SOCS6: variants seen among roughly 807,000 people sequenced by gnomAD.
SOCS6 encodes suppressor of cytokine signaling 6, also known as STAT induced STAT inhibitor-4.
Under a neutral mutation model 27.7 loss-of-function variants are expected in SOCS6, and 5 were observed. The ratio of observed to expected loss-of-function variants is 0.18; its 90% CI spans 0.09 to 0.38. The LOEUF is 0.38. Ranked by LOEUF, SOCS6 falls within the 10% of genes least tolerant of loss-of-function variation. The probability of loss-of-function intolerance (pLI) is 1.00; values close to 1 mark genes in which losing one functional copy is unlikely to be tolerated. For synonymous variants in SOCS6, 271 were observed against 260.0 expected, an observed-to-expected ratio of 1.04 and a Z score of -0.41; for missense variants, 595 against 688.1, an observed-to-expected ratio of 0.86 and a Z score of 1.51.
At chr18:70,320,565 C>CGA (rs531244677) in intron 1 of SOCS6, among the ~76,000 whole-genome samples, 1 of 152,050 alleles carries the variant, frequency 6.6e-6, no homozygotes, top group South Asian at 2.1e-4. Flanking sequence ...AGATATTTTG[C>CGA]GAGAGAGAGA....
chr18:70,299,972 T>TA lies in SOCS6; in HGVS notation c.-127+10883dup, dbSNP rs2062340991. ...GGACTTGAGCATTCATAGCTTCTGT[T>TA]ATTCCTGGAGCCAATCCCCCATGAA... On this transcript the variant is annotated intron_variant, in intron 1 of 1. Coordinates refer to ENST00000397942, the MANE Select transcript of SOCS6 (RefSeq NM_004232.4). Among the ~76,000 whole-genome samples, 5 of 152,214 alleles carry TA rather than the reference T, an allele frequency of 3.3e-5. No homozygotes were observed. In the South Asian group the frequency reaches 1.0e-3, roughly 32 times the overall value.
chr18:70,318,070 G>A (rs1033515525), intron 1 of SOCS6, among the ~76,000 whole-genome samples: 1 of 152,120 alleles, frequency 6.6e-6, no homozygotes, highest in Non-Finnish European at 1.5e-5. Flanking sequence ...GGCCGGACTG[G>A]CCCTCGAACG....
intron 1 of SOCS6, among the ~76,000 whole-genome samples, chr18:70,293,018 T>C (rs891646231): frequency 1.3e-5 from 2 of 152,182 alleles, no homozygotes; most frequent in Admixed American, 1.3e-4. Flanking sequence ...GTAATTACTT[T>C]GTTTACTTGT....
At position 70,297,189 on chromosome 18, in the gene SOCS6, G is replaced by A. The variant is rs556872834; in HGVS notation, c.-127+8099G>A. 7.2e-5 allele frequency among the ~76,000 whole-genome samples: 11 copies of A among 151,994 alleles called. No individual in the cohort carries two copies. In the South Asian group the frequency reaches 1.5e-3, roughly 20 times the overall value. Reference sequence around the variant, plus strand: ...AAACCTTTTCTCAGGCTGGTTTTTCGTCGTCTTCCTTTCCAGCAGTCTTAG... The same window carrying A: ...AAACCTTTTCTCAGGCTGGTTTTTCATCGTCTTCCTTTCCAGCAGTCTTAG... On this transcript the variant is annotated intron_variant, in intron 1 of 1. Coordinates refer to ENST00000397942, the MANE Select transcript of SOCS6 (RefSeq NM_004232.4).
chr18:70,304,436 A>C (rs2062360879), intron 1 of SOCS6, among the ~76,000 whole-genome samples: 1 of 152,072 alleles, frequency 6.6e-6, no homozygotes, highest in Non-Finnish European at 1.5e-5. Context: ...AGCAGTGTAT[A>C]AGGTTTCTGG....
At chr18:70,313,460 T>TGCAA (rs60159585) in intron 1 of SOCS6, among the ~76,000 whole-genome samples, 356 of 152,242 alleles carry the variant, frequency 2.3e-3, no homozygotes, top group African/African-American at 8.3e-3. Context: ...CCTTCTGCAG[T>TGCAA]GCAAGCCTTC....
chr18:70,317,419 G>GGTGTGTGTGTGTGTGT (rs139320786), intron 1 of SOCS6, among the ~76,000 whole-genome samples: 54 of 148,078 alleles, frequency 3.6e-4, no homozygotes, highest in African/African-American at 1.2e-3. Context: ...AGTATTCCAT[G>GGTGTGTGTGTGTGTGT]GTGTGTGTGT....
chr18:70,292,100 G>A (rs545520484), intron 1 of SOCS6, among the ~76,000 whole-genome samples: 6 of 152,226 alleles, frequency 3.9e-5, no homozygotes, highest in Middle Eastern at 3.4e-3. Context: ...ATTTTACTTC[G>A]TTGGGGCAGT....
rs145549938 is a variant in SOCS6 at position 70,309,808 on chromosome 18, C to T, written c.-126-14735C>T. On this transcript the variant is annotated intron_variant, in intron 1 of 1. Coordinates refer to ENST00000397942, the MANE Select transcript of SOCS6 (RefSeq NM_004232.4). ...AAGTGATTCTCCTACCTTGGCCTCC[C>T]GATTAGCTGGGATTACAGGCATGTG... is the stretch of plus-strand genomic sequence containing the variant. 8.6e-3 allele frequency among the ~76,000 whole-genome samples: 1,303 copies of T among 152,182 alleles called. 22 individuals are homozygous for T. The highest frequency in any genetic ancestry group is 0.029 in the African/African-American group (1,192 of 41,530).
At chr18:70,291,397 G>A (rs1056453456) in intron 1 of SOCS6, among the ~76,000 whole-genome samples, 2 of 152,136 alleles carry the variant, frequency 1.3e-5, no homozygotes, top group Non-Finnish European at 2.9e-5. Context: ...ACCACACCCA[G>A]CCTGCAAGTG....
chr18:70,319,634 T>G (rs1910902327), intron 1 of SOCS6, among the ~76,000 whole-genome samples: 2 of 148,924 alleles, frequency 1.3e-5, no homozygotes, highest in South Asian at 4.2e-4. Flanking sequence ...AAAAAAAAAT[T>G]GGTTATACTT....
rs964553144 is a variant in SOCS6 at position 70,330,039 on chromosome 18, C to T, written c.*3763C>T. Reference sequence around the variant, plus strand: ...AGGTGTGTACCATTTGTACTGAGAACACCACAGAATGAATTATCCAAAGTC... The same window carrying T: ...AGGTGTGTACCATTTGTACTGAGAATACCACAGAATGAATTATCCAAAGTC... On this transcript the variant is annotated 3_prime_UTR_variant, in exon 2 of 2. Transcript: ENST00000397942. The T allele has an allele frequency of 6.0e-6, 1 of 167,038 alleles. No individual in the cohort carries two copies. The highest frequency in any genetic ancestry group is 1.5e-5 in the Non-Finnish European group (1 of 68,106). 10.3% of individuals were successfully genotyped at this position (167,038 alleles called of 1,614,324 possible). A position where few individuals can be genotyped will look rare whatever the true frequency, so the allele number is the denominator to read the frequency against.
chr18:70,317,654 G>C (rs942702550), intron 1 of SOCS6, among the ~76,000 whole-genome samples: 1 of 151,722 alleles, frequency 6.6e-6, no homozygotes, highest in African/African-American at 2.4e-5. Flanking sequence ...TGTGAATCGT[G>C]CTGCTATGTG....
Position 70,327,902 on chromosome 18 carries a change from T to A in SOCS6, c.*1626T>A, listed in dbSNP as rs1295995880. The A allele has an allele frequency of 1.2e-5, 2 of 166,886 alleles. No homozygotes were observed. The highest frequency in any genetic ancestry group is 1.9e-4 in the East Asian group (1 of 5,198). The allele number at this position is 166,886 out of a possible 1,614,324, so 10.3% of individuals were successfully genotyped here. ...CATTCAAGCATATCTGAATCCTCAC[T>A]TTTTTCTCTTTGCTTTTTAGGGTCA... On this transcript the variant is annotated 3_prime_UTR_variant, in exon 2 of 2. Transcript: ENST00000397942.
In SOCS6 at chr18:70,328,208, CTATT is replaced by C. The variant is rs1475319890; in HGVS notation, c.*1938_*1941del. On this transcript the variant is annotated 3_prime_UTR_variant, in exon 2 of 2. Transcript: ENST00000397942. ...ACATTTAAACTATTTTTTTGCAAAA[CTATT>C]TATTTTTAAAACAACTTAAAGTATA... is the stretch of plus-strand genomic sequence containing the variant. The C allele has an allele frequency of 6.0e-6, 1 of 166,798 alleles. No homozygotes were observed. Among genetic ancestry groups the C allele is most frequent in the Non-Finnish European group, 1.5e-5 (1 of 68,068 alleles). The allele number at this position is 166,798 out of a possible 1,614,324, so 10.3% of individuals were successfully genotyped here.
At position 70,325,496 on chromosome 18, in the gene SOCS6, C is replaced by T; in HGVS notation, c.828C>T (p.Ala276=). Reference sequence around the variant, plus strand: ...AGGTAGACCAGGACCTAGTTGTCGCCCCAGAGATCTTCGTGGATCAGTCCG... The same window carrying T: ...AGGTAGACCAGGACCTAGTTGTCGCTCCAGAGATCTTCGTGGATCAGTCCG... ...ESQVDQDLVV[A]PEIFVDQSVN... The change falls in exon 2 of 2, where the codon GCC becomes GCT. Residue 276 remains alanine, a synonymous_variant. Transcript: ENST00000397942. The surrounding 1 kb of genome is among the most constrained non-coding windows in gnomAD (Gnocchi z 6.3). The T allele has an allele frequency of 1.2e-6, 2 of 1,614,106 alleles. No individual in the cohort carries two copies. Among genetic ancestry groups the T allele is most frequent in the Non-Finnish European group, 1.7e-6 (2 of 1,180,020 alleles).
Position 70,324,998 on chromosome 18 carries a change from C to G in SOCS6, c.330C>G (p.Pro110=). ...ACACCTTCTCCTCCTCCTCAGCACC[C>G]ATAGTCTTTAAAGACGTGAGAGCTC... is the stretch of plus-strand genomic sequence containing the variant. The part of the protein sequence containing the change: ...DEDTFSSSSA[P]IVFKDVRAQR... Residue 110 remains proline (P), a synonymous_variant, in exon 2 of 2, where the codon CCC becomes CCG. Transcript: ENST00000397942. The G allele has an allele frequency of 6.2e-7, 1 of 1,614,156 alleles. No individual in the cohort carries two copies. The highest frequency in any genetic ancestry group is 2.2e-5 in the East Asian group (1 of 44,884).
At chr18:70,289,585 TCCGCGGGCTCGG>T (rs1053168684) in intron 1 of SOCS6, among the ~76,000 whole-genome samples, 13 of 144,788 alleles carry the variant, frequency 9.0e-5, no homozygotes, top group African/African-American at 3.3e-4. Flanking sequence ...TCCTCGGACC[TCCGCGGGCTCGG>T]GCTCGGGCTC....
intron 1 of SOCS6, among the ~76,000 whole-genome samples, chr18:70,289,648 C>G (rs1401082744): frequency 6.7e-6 from 1 of 149,362 alleles, no homozygotes; most frequent in African/African-American, 2.4e-5. Context: ...GAGGGCGGGC[C>G]TGGGGCGCGG....
Sources: allele counts gnomAD v4.1 joint callset (sites outside exome capture counted in the v4.1 genomes callset), GRCh38; gene constraint gnomAD v4.1.1; non-coding constraint Gnocchi (gnomAD v3.1); transcripts MANE v1.5; gene names NCBI Gene and HGNC (gene_info 2026-07-23, HGNC 2026-07-21).